The following BICD1 variants were observed in gnomAD, a reference collection of about 807,000 sequenced individuals.
BICD1 encodes protein bicaudal D homolog 1.
BICD1 carries 35 observed loss-of-function variants against 92.5 expected under a neutral mutation model. The observed-to-expected ratio is 0.38, with a 90% CI of 0.29 to 0.50. The LOEUF is 0.50. Among genes scored for constraint, BICD1 ranks in the 20% least tolerant of loss-of-function variants. The probability of loss-of-function intolerance (pLI) is 0.93; values close to 1 mark genes in which losing one functional copy is unlikely to be tolerated. For synonymous variants in BICD1, 429 were observed against 465.1 expected (o/e 0.92, Z 1.00); for missense variants, 950 against 1,189.8 (o/e 0.80, Z 2.97).
chr12:32,287,006 C>T, intron 2 of BICD1, among the ~76,000 whole-genome samples: 1 of 152,040 alleles, frequency 6.6e-6, no homozygotes, highest in African/African-American at 2.4e-5. Flanking sequence ...GAGTGGAGGG[C>T]GAGGGGAGCT....
chr12:32,301,799 A>G (rs190846889), intron 3 of BICD1, among the ~76,000 whole-genome samples: 119 of 152,280 alleles, frequency 7.8e-4, no homozygotes, highest in African/African-American at 2.7e-3. Flanking sequence ...AAGAAAAAGT[A>G]GATGGAAAAG....
At chr12:32,218,848 T>G (rs1290769119) in intron 2 of BICD1, among the ~76,000 whole-genome samples, 1 of 152,242 alleles carries the variant, frequency 6.6e-6, no homozygotes, top group Non-Finnish European at 1.5e-5. Flanking sequence ...TTTTTGTTTT[T>G]GTTTTTAATC....
At chr12:32,182,274 C>CTTTTTTTTTT (rs1944292915) in intron 1 of BICD1, among the ~76,000 whole-genome samples, 2 of 84,994 alleles carry the variant, frequency 2.4e-5, no homozygotes, top group African/African-American at 7.3e-5. Context: ...TTCTTTCTTT[C>CTTTTTTTTTT]TTTCTTTTTT....
chr12:32,340,688 C>T, intron 8 of BICD1: 1 of 287,784 alleles, frequency 3.5e-6, no homozygotes, highest in Non-Finnish European at 5.2e-6. Flanking sequence ...ATTGTTTAAG[C>T]CATGAACATT....
intron 4 of BICD1, among the ~76,000 whole-genome samples, chr12:32,317,787 G>A (rs1371835894): frequency 2.5e-4 from 38 of 150,938 alleles, no homozygotes; most frequent in South Asian, 6.3e-4. Flanking sequence ...GTCCTTGCCC[G>A]TGCCTATGTC....
At chr12:32,133,784 CT>C (rs34183365) in intron 1 of BICD1, among the ~76,000 whole-genome samples, 179 of 139,990 alleles carry the variant, frequency 1.3e-3, no homozygotes, top group Admixed American at 1.3e-3. Context: ...GATGCCAGTT[CT>C]TTTTTTTTTT....
intron 1 of BICD1, among the ~76,000 whole-genome samples, chr12:32,172,678 T>A (rs571529613): frequency 2.0e-5 from 3 of 152,180 alleles, no homozygotes; most frequent in Non-Finnish European, 4.4e-5. Flanking sequence ...TTTTTATGAA[T>A]GGTCAGTGTT....
intron 2 of BICD1, among the ~76,000 whole-genome samples, chr12:32,224,983 C>T (rs141452123): frequency 1.3e-5 from 2 of 152,128 alleles, no homozygotes; most frequent in African/African-American, 2.4e-5. Context: ...TGAGTCACTG[C>T]GCCTGGCCAG....
chr12:32,234,671 CT>C (rs112868471), intron 2 of BICD1, among the ~76,000 whole-genome samples: 11,110 of 120,440 alleles, frequency 0.092, 568 homozygotes, highest in African/African-American at 0.2. Context: ...TTTTTTCTTT[CT>C]TTTTTTTTTT....
rs190127428 is a variant in BICD1, at chr12:32,335,561, C to T, written c.2252+894C>T. Among the ~76,000 whole-genome samples the T allele has an allele frequency of 3.6e-3, 544 of 149,298 alleles. 10 individuals carry two copies. Among genetic ancestry groups the T allele is most frequent in the Non-Finnish European group, 2.4e-3 (160 of 67,676 alleles). The stretch of plus-strand genomic sequence containing the variant: ...AAATACATTTTTTGCTGTCACAATG[C>T]AGTGTCAAAAAAGACCTACTTTTTT... On this transcript the variant is annotated intron_variant, in intron 6 of 9. Coordinates refer to ENST00000652176, the MANE Select transcript of BICD1 (RefSeq NM_001714.4).
Position 32,251,984 on chromosome 12 carries a change from T to TACA in BICD1, c.426+35526_426+35527insCAA, listed in dbSNP as rs1328360124. 4.3e-3 allele frequency among the ~76,000 whole-genome samples: 200 copies of TACA among 46,020 alleles called. 1 individual carries two copies. The highest frequency in any genetic ancestry group is 0.021 in the African/African-American group (195 of 9,090). The allele number at this position is 46,020 out of a possible 152,430, so 30.2% of individuals were successfully genotyped here. A position where few individuals can be genotyped will look rare whatever the true frequency, so the allele number is the denominator to read the frequency against. Reference sequence around the variant, plus strand: ...AAACTTTTAAAACTTTACCACTATATATATAATATATTTATAATATATATT... The same window carrying TACA: ...AAACTTTTAAAACTTTACCACTATATACAATATAATATATTTATAATATATATT... On this transcript the variant is annotated intron_variant, in intron 2 of 9. Coordinates refer to ENST00000652176, the MANE Select transcript of BICD1 (RefSeq NM_001714.4).
At chr12:32,127,838 G>T (rs1942395967) in intron 1 of BICD1, among the ~76,000 whole-genome samples, 4 of 152,072 alleles carry the variant, frequency 2.6e-5, no homozygotes, top group Admixed American at 1.3e-4. Context: ...AAGCAGACAA[G>T]CTCCAGCAAG....
At chr12:32,189,873 A>G (rs1034740977) in intron 1 of BICD1, among the ~76,000 whole-genome samples, 1 of 151,872 alleles carries the variant, frequency 6.6e-6, no homozygotes, top group Non-Finnish European at 1.5e-5. Flanking sequence ...TAATTTTTGT[A>G]TTTGTAGTAG....
intron 2 of BICD1, among the ~76,000 whole-genome samples, chr12:32,217,388 A>C (rs1390303605): frequency 6.6e-6 from 1 of 152,228 alleles, no homozygotes. Context: ...CATTTGAAAT[A>C]AGTGACATAT....
chr12:32,123,923 GTAGACCACTTGT>G (rs1942241512), intron 1 of BICD1, among the ~76,000 whole-genome samples: 4 of 152,022 alleles, frequency 2.6e-5, no homozygotes. Context: ...AGAGGTTGGA[GTAGACCACTTGT>G]TTTAAAAATA....
intron 1 of BICD1, among the ~76,000 whole-genome samples, chr12:32,212,927 A>G (rs548269781): frequency 1.3e-5 from 2 of 152,312 alleles, no homozygotes; most frequent in Middle Eastern, 3.4e-3. Context: ...TGTTTGAAAT[A>G]ACAAAACTTT....
At chr12:32,303,687 A>G (rs1409548104) in intron 3 of BICD1, among the ~76,000 whole-genome samples, 1 of 152,234 alleles carries the variant, frequency 6.6e-6, no homozygotes, top group African/African-American at 2.4e-5. Context: ...AAGGCTGTAC[A>G]ACAACAGAGG....
At position 32,271,899 on chromosome 12, in the gene BICD1, T is replaced by G. The variant is rs191747837; in HGVS notation, c.427-22095T>G. On this transcript the variant is annotated intron_variant, in intron 2 of 9. Transcript: ENST00000652176. ...GCCAAGAGACAATGTCAAGGTGTCTTAGTGAAAGGAGCTCATACTTAAGGG... is the reference window on the plus strand; with the variant it reads ...GCCAAGAGACAATGTCAAGGTGTCTGAGTGAAAGGAGCTCATACTTAAGGG... 3.9e-5 allele frequency among the ~76,000 whole-genome samples: 6 copies of G among 152,320 alleles called. No individual in the cohort carries two copies. The East Asian group carries it at 1.2e-3, about 29-fold the overall frequency.
chr12:32,112,960 A>G (rs1376948420), intron 1 of BICD1, among the ~76,000 whole-genome samples: 2 of 152,214 alleles, frequency 1.3e-5, no homozygotes, highest in Non-Finnish European at 2.9e-5. Flanking sequence ...TGTTTCTTGC[A>G]TTATACAGAA....
Sources: allele counts gnomAD v4.1 joint callset (sites outside exome capture counted in the v4.1 genomes callset), GRCh38; gene constraint gnomAD v4.1.1; transcripts MANE v1.5; gene names NCBI Gene and HGNC (gene_info 2026-07-23, HGNC 2026-07-21).